JAK3: variants seen among roughly 807,000 people sequenced by gnomAD.
JAK3 encodes the protein tyrosine-protein kinase JAK3.
In JAK3, 88 loss-of-function variants were observed where a neutral mutation model predicts 120.8. The ratio of observed to expected loss-of-function variants is 0.73; its 90% CI spans 0.61 to 0.87. The LOEUF is 0.87. JAK3 is among the 40% of genes least tolerant of loss of function. The pLI, the probability that JAK3 is intolerant of heterozygous loss-of-function variation, is 0.00. For synonymous variants in JAK3, 592 were observed against 628.6 expected (o/e 0.94, Z 0.87); for missense variants, 1,254 against 1,501.4 (o/e 0.84, Z 2.72).
chr19:17,826,448 A>G lies in JAK3; in HGVS notation c.*295T>C. 1 of 414,754 alleles carries G rather than the reference A, an allele frequency of 2.4e-6. No homozygotes were observed. The highest frequency in any genetic ancestry group is 2.0e-5 in the African/African-American group (1 of 50,908). 25.7% of individuals were successfully genotyped at this position (414,754 alleles called of 1,614,324 possible). On this transcript the variant is annotated 3_prime_UTR_variant, in exon 24 of 24. Coordinates refer to ENST00000458235, the MANE Select transcript of JAK3 (RefSeq NM_000215.4). ...GACAGAAAAGGAAACTCAGGGGGCC[A>G]GGGCTTAAGGGGTTGGGAAGATGCG...
At position 17,831,096 on chromosome 19, in the gene JAK3, G is replaced by A. The variant is rs2094213557; in HGVS notation, c.2978+132C>T. ...GGGCGGGGCTCTGGGGAGTGGGAGG[G>A]GCCAAAGCTGCAGCGGAGGAAGGGC... On this transcript the variant is annotated intron_variant, in intron 21 of 23. Transcript: ENST00000458235. This position sits in a 1 kb window ranked among gnomAD's most constrained non-coding sequence, Gnocchi z 5.1. 1 of 913,356 alleles carries A rather than the reference G, an allele frequency of 1.1e-6. No individual in the cohort carries two copies. Among genetic ancestry groups the A allele is most frequent in the Non-Finnish European group, 1.6e-6 (1 of 608,948 alleles). The allele number at this position is 913,356 out of a possible 1,614,324, so 56.6% of individuals were successfully genotyped here. A position where few individuals can be genotyped will look rare whatever the true frequency, so the allele number is the denominator to read the frequency against.
rs1367102986 is a variant in JAK3 at position 17,835,181 on chromosome 19, G to A, written c.1949C>T (p.Ala650Val). 1 of 1,614,200 alleles carries A rather than the reference G, an allele frequency of 6.2e-7. No homozygotes were observed. The highest frequency in any genetic ancestry group is 8.5e-7 in the Non-Finnish European group (1 of 1,180,042). ...DKGLPHGNVS[A>V]RKVLLAREGA... The stretch of plus-strand genomic sequence containing the variant: ...CTCCCGAGCCAGGAGCACCTTCCGG[G>A]CAGAGACATTGCCATGGGGCAGGCC... Residue 650 changes from alanine (A) to valine (V), a missense_variant, in exon 15 of 24, where the codon GCC (alanine) becomes GTC (valine). Transcript: ENST00000458235.
chr19:17,831,187 C>A lies in JAK3; in HGVS notation c.2978+41G>T, dbSNP rs201674741. The A allele has an allele frequency of 1.8e-5, 28 of 1,596,070 alleles. 1 individual carries two copies. The East Asian group carries it at 5.4e-4, about 31-fold the overall frequency. On this transcript the variant is annotated intron_variant, in intron 21 of 23. Transcript: ENST00000458235. This position sits in a 1 kb window ranked among gnomAD's most constrained non-coding sequence, Gnocchi z 5.1. ...GGCATGGCTGGGGGCGGAGCCAGAGCCGTGGGGAATAGGGGCGGAGCCTAG... is the reference window on the plus strand; with the variant it reads ...GGCATGGCTGGGGGCGGAGCCAGAGACGTGGGGAATAGGGGCGGAGCCTAG...
At position 17,838,321 on chromosome 19, in the gene JAK3, G is replaced by C. The variant is rs1599874081; in HGVS notation, c.1511C>G (p.Ser504Cys). Residue 504 changes from serine (S) to cysteine (C), a missense_variant, in exon 11 of 24, where the codon TCC becomes TGC. Ser to Cys is a moderately radical substitution (Grantham distance 112, BLOSUM62 -1). This residue lies in a region of JAK3 where 486 missense variants were observed against 503.0 expected (regional missense o/e 0.97). Transcript: ENST00000458235. ...PPTSSLVQPQ[S>C]QYQLSQMTFH... The stretch of plus-strand genomic sequence containing the variant: ...TGTCATCTGACTCAGCTGGTATTGG[G>C]ATTGGGGCTGAACCAAGGATGATGT... 1 of 1,614,114 alleles carries C rather than the reference G, an allele frequency of 6.2e-7. No individual in the cohort carries two copies. Among genetic ancestry groups the C allele is most frequent in the Non-Finnish European group, 8.5e-7 (1 of 1,180,010 alleles).
Position 17,834,739 on chromosome 19 carries a change from A to C in JAK3, c.2200-18T>G, listed in dbSNP as rs754764691. 1 of 1,614,102 alleles carries C rather than the reference A, an allele frequency of 6.2e-7. No homozygotes were observed. The highest frequency in any genetic ancestry group is 1.1e-5 in the South Asian group (1 of 91,086). On this transcript the variant is annotated intron_variant, in intron 16 of 23. Transcript: ENST00000458235. ...TGGAGTTTCTGAGGGTGAGAGGAGCAGTCGGTAATCCCCAACCCAATAGAC... is the reference window on the plus strand; with the variant it reads ...TGGAGTTTCTGAGGGTGAGAGGAGCCGTCGGTAATCCCCAACCCAATAGAC...
chr19:17,827,005 A>C, intron 23 of JAK3, 95 bp from the exon 24 acceptor site: 1 of 1,379,580 alleles, frequency 7.2e-7, no homozygotes, highest in South Asian at 1.3e-5. Flanking sequence ...TTTGAGACGG[A>C]GTCTAGCTCT....
At chr19:17,834,455 C>A (rs1599869977) in intron 17 of JAK3, 116 bp downstream of exon 17, 1 of 1,157,222 alleles carries the variant, frequency 8.6e-7, no homozygotes, top group African/African-American at 1.5e-5. Context: ...GTCACAGTCA[C>A]CAACCCCTCC....
At chr19:17,838,103 G>A (rs2147687890) in intron 11 of JAK3, 40 bp from the exon 12 acceptor site, 2 of 1,613,850 alleles carry the variant, frequency 1.2e-6, no homozygotes, top group East Asian at 2.2e-5. Context: ...CAGTGAGGGG[G>A]TTCCTGCAGG....
chr19:17,838,493 C>A (rs2094229909), intron 10 of JAK3, 103 bp from the exon 11 acceptor site: 1 of 1,329,898 alleles, frequency 7.5e-7, no homozygotes, highest in Non-Finnish European at 1.1e-6. Context: ...TAGAAGCCGA[C>A]CCTGAGATGA....
In JAK3 at chr19:17,843,671, G is replaced by A. The variant is rs1472878978; in HGVS notation, c.308+106C>T. On this transcript the variant is annotated intron_variant, in intron 3 of 23. Coordinates refer to ENST00000458235, the MANE Select transcript of JAK3 (RefSeq NM_000215.4). This position sits in a 1 kb window ranked among gnomAD's most constrained non-coding sequence, Gnocchi z 5.4. ...CTCTCTGGTCTGTTTCCTCATCTGA[G>A]AAATGGGTAGTGACCATACCTCCCT... 1.4e-6 allele frequency: 2 copies of A among 1,434,674 alleles called. No homozygotes were observed. The highest frequency in any genetic ancestry group is 2.0e-6 in the Non-Finnish European group (2 of 1,018,356). 88.9% of individuals were successfully genotyped at this position (1,434,674 alleles called of 1,614,324 possible).
chr19:17,840,107 C>A (rs2094234438), intron 9 of JAK3, 123 bp downstream of exon 9: 1 of 730,966 alleles, frequency 1.4e-6, no homozygotes. Context: ...CTGTTCTGTT[C>A]ACCGGGGGTG....
intron 13 of JAK3, 128 bp downstream of exon 13, chr19:17,837,001 C>G (rs1191841698): frequency 1.4e-6 from 1 of 719,324 alleles, no homozygotes; most frequent in Non-Finnish European, 2.5e-6. Context: ...GGGTAATGAA[C>G]ACGGCTCCCA....
At chr19:17,838,505 G>A in intron 10 of JAK3, 115 bp from the exon 11 acceptor site, 3 of 1,129,008 alleles carry the variant, frequency 2.7e-6, no homozygotes, top group Non-Finnish European at 1.3e-6. Flanking sequence ...CTGAGATGAA[G>A]ACTTCAGGGC....
rs200202992 is a variant in JAK3 at position 17,831,364 on chromosome 19, G to C, written c.2842C>G (p.Arg948Gly). ...EYLGSRRCVHRDLAARNILVE... is the reference protein window; with the variant it reads ...EYLGSRRCVHGDLAARNILVE... The stretch of plus-strand genomic sequence containing the variant: ...AGGATGTTTCGGGCGGCCAGGTCGC[G>C]GTGCACGCAGCGGCGGGAGCCCAGG... Residue 948 changes from arginine to glycine, a missense_variant, in exon 21 of 24, where the codon CGC (arginine) becomes GGC (glycine). Arg to Gly is a moderately radical substitution (Grantham distance 125, BLOSUM62 -2). Around this residue, in one of 3 missense-constraint regions of JAK3, gnomAD observed 630 missense variants for 819.8 expected, o/e 0.77. Coordinates refer to ENST00000458235, the MANE Select transcript of JAK3 (RefSeq NM_000215.4). This position sits in a 1 kb window ranked among gnomAD's most constrained non-coding sequence, Gnocchi z 5.1. The C allele has an allele frequency of 6.2e-7, 1 of 1,608,860 alleles. No homozygotes were observed. Among genetic ancestry groups the C allele is most frequent in the Admixed American group, 1.7e-5 (1 of 59,990 alleles).
Position 17,839,508 on chromosome 19 carries a change from G to A in JAK3, c.1410C>T (p.Thr470=). The A allele has an allele frequency of 1.9e-6, 3 of 1,595,478 alleles. No homozygotes were observed. The highest frequency in any genetic ancestry group is 2.6e-6 in the Non-Finnish European group (3 of 1,170,682). ...GTCTGGGGATACAGCAGGAAGTGAG[G>A]GTCACTGCCACCCCATCTACGTGCA... ...GGLHVDGVAV[T]LTSCCIPRPK... The change falls in exon 10 of 24, where the codon ACC becomes ACT. Residue 470 remains threonine, a synonymous_variant. Transcript: ENST00000458235.
chr19:17,829,052 G>C (rs2094209066), intron 23 of JAK3, among the ~76,000 whole-genome samples: 1 of 152,134 alleles, frequency 6.6e-6, no homozygotes, highest in African/African-American at 2.4e-5. Context: ...TCAGCACTTT[G>C]GGAGGCCAAG....
intron 17 of JAK3, 47 bp downstream of exon 17, chr19:17,834,524 C>CA: frequency 6.2e-7 from 1 of 1,611,554 alleles, no homozygotes; most frequent in Middle Eastern, 1.7e-4. Flanking sequence ...CCACTGGGCC[C>CA]AATATGACAT....
At chr19:17,840,630 G>A (rs2094236026) in intron 8 of JAK3, among the ~76,000 whole-genome samples, 2 of 151,942 alleles carry the variant, frequency 1.3e-5, no homozygotes, top group African/African-American at 2.4e-5. Context: ...GGGCGTGGTG[G>A]CGAGCACCTG....
intron 23 of JAK3, among the ~76,000 whole-genome samples, chr19:17,827,687 C>T (rs2094206378): frequency 7.4e-6 from 1 of 135,704 alleles, no homozygotes; most frequent in Non-Finnish European, 1.5e-5. Context: ...CGAGACTACC[C>T]TGACCAACAT....
Sources: gnomAD v4.1 joint callset for allele counts (sites outside exome capture counted in the v4.1 genomes callset) on GRCh38, gnomAD v4.1.1 for gene constraint, gnomAD v4.1.1 regional missense constraint, Gnocchi (gnomAD v3.1) non-coding constraint, MANE v1.5 for transcripts, NCBI Gene and HGNC (gene_info 2026-07-23, HGNC 2026-07-21) for gene names.